WNK3: variants seen among roughly 807,000 people sequenced by gnomAD.
WNK3 encodes serine/threonine-protein kinase WNK3.
Under a neutral mutation model 116.7 loss-of-function variants are expected in WNK3, and 18 were observed. That is an observed-to-expected ratio of 0.15 (90% confidence interval 0.11 to 0.23). The LOEUF is 0.23. WNK3 is among the 10% of genes least tolerant of loss of function. The pLI is 1.00. For missense variants in WNK3, 993 were observed against 1,323.8 expected, an observed-to-expected ratio of 0.75 and a Z score of 3.88; for synonymous variants, 404 against 469.4, an observed-to-expected ratio of 0.86 and a Z score of 1.80.
intron 10 of WNK3, among the ~76,000 whole-genome samples, chrX:54,260,042 T>A (rs1278922691): frequency 9.0e-6 from 1 of 111,624 alleles, no homozygotes; most frequent in Non-Finnish European, 1.9e-5. Flanking sequence ...GCAAATAATG[T>A]TCTCAATGAA....
At chrX:54,268,834 G>A (rs928153193) in intron 10 of WNK3, among the ~76,000 whole-genome samples, 25 of 111,372 alleles carry the variant, frequency 2.2e-4, no homozygotes, top group Non-Finnish European at 4.7e-4. Context: ...AACTAATAAA[G>A]AGGAATGATG....
At chrX:54,278,248 A>G (rs933088166) in intron 10 of WNK3, among the ~76,000 whole-genome samples, 1 of 111,081 alleles carries the variant, frequency 9.0e-6, no homozygotes, top group Non-Finnish European at 1.9e-5. Context: ...ATAAATGAAG[A>G]GACATATCAT....
intron 1 of WNK3, among the ~76,000 whole-genome samples, chrX:54,344,658 C>T (rs2069383253): frequency 9.0e-6 from 1 of 111,249 alleles, no homozygotes; most frequent in East Asian, 2.9e-4. Context: ...TATTTGAGGC[C>T]GGGCGCCTGG....
rs1557153523 is a variant in WNK3 at position 54,249,335 on chromosome X, A to G, written c.3013T>C (p.Tyr1005His). 1 of 1,210,727 alleles carries G rather than the reference A, an allele frequency of 8.3e-7. No individual in the cohort carries two copies. Among genetic ancestry groups the G allele is most frequent in the Non-Finnish European group, 1.1e-6 (1 of 895,492 alleles). ...TGACTGGCAGTTTGGTGACATGGAT[A>G]CACAGGTATGAATATGCTTGCTTGT... The change falls in exon 17 of 24, where the codon TAT (tyrosine) becomes CAT (histidine). Residue 1005 changes from tyrosine to histidine, a missense_variant. This residue lies in a region of WNK3 where 836 missense variants were observed against 976.5 expected (regional missense o/e 0.86). Transcript: ENST00000354646.
At chrX:54,290,081 GC>G (rs1308763425) in intron 10 of WNK3, among the ~76,000 whole-genome samples, 3 of 111,460 alleles carry the variant, frequency 2.7e-5, no homozygotes, top group African/African-American at 9.8e-5. Flanking sequence ...TTCAAGACCA[GC>G]CTGGCCAACA....
chrX:54,214,444 GA>G (rs1557144536), intron 22 of WNK3, among the ~76,000 whole-genome samples: 3 of 111,763 alleles, frequency 2.7e-5, no homozygotes, highest in African/African-American at 9.7e-5. Context: ...TAAAAATGCA[GA>G]ATAAGGGCCT....
rs186230077 is a variant in WNK3, at chrX:54,269,821, C to T, written c.2038-10483G>A. Among the ~76,000 whole-genome samples the T allele has an allele frequency of 1.3e-3, 148 of 109,761 alleles. 1 individual carries two copies. Among genetic ancestry groups the T allele is most frequent in the African/African-American group, 4.8e-3 (145 of 30,296 alleles). ...TGGAAGTGTTCTATATCTTCATTTG[C>T]ATTTCATGAAGATATATATATATGA... On this transcript the variant is annotated intron_variant, in intron 10 of 23. Coordinates refer to ENST00000354646, the Ensembl canonical transcript of WNK3.
chrX:54,264,575 C>T (rs1369623711), intron 10 of WNK3, among the ~76,000 whole-genome samples: 3 of 110,800 alleles, frequency 2.7e-5, no homozygotes, highest in East Asian at 2.8e-4. Flanking sequence ...ATGATGAAAA[C>T]ATACCAGCAC....
At chrX:54,327,308 G>T (rs1359885882) in intron 2 of WNK3, among the ~76,000 whole-genome samples, 1 of 111,410 alleles carries the variant, frequency 9.0e-6, no homozygotes, top group African/African-American at 3.3e-5. Context: ...ATTAGGCTGG[G>T]CATGGTGGCT....
intron 23 of WNK3, among the ~76,000 whole-genome samples, chrX:54,200,914 T>C (rs890288670): frequency 1.8e-5 from 2 of 112,151 alleles, no homozygotes; most frequent in Admixed American, 1.9e-4. Flanking sequence ...CCCAAGGAGA[T>C]ATACTGCTCA....
intron 6 of WNK3, among the ~76,000 whole-genome samples, chrX:54,299,582 G>A (rs1287844454): frequency 9.5e-5 from 10 of 104,997 alleles, no homozygotes; most frequent in Non-Finnish European, 1.7e-4. Flanking sequence ...GTGCCACCAC[G>A]CTCAGCTAAT....
chrX:54,263,555 A>C (rs187301160), intron 10 of WNK3, among the ~76,000 whole-genome samples: 17 of 112,356 alleles, frequency 1.5e-4, no homozygotes, highest in Non-Finnish European at 3.2e-4. Context: ...AGTAGGTTGC[A>C]AATGCAAGAT....
chrX:54,325,444 C>T (rs782475825), intron 2 of WNK3, among the ~76,000 whole-genome samples: 89 of 109,734 alleles, frequency 8.1e-4, no homozygotes, highest in Non-Finnish European at 1.1e-3. Context: ...TTTGGAAGGC[C>T]GAGACGGGTG....
At position 54,259,301 on chromosome X, in the gene WNK3, G is replaced by A. The variant is rs200859828; in HGVS notation, c.2075C>T (p.Ala692Val). 728 of 1,197,374 alleles carry A rather than the reference G, an allele frequency of 6.1e-4. 5 individuals carry two copies. The highest frequency in any genetic ancestry group is 1.1e-4 in the Non-Finnish European group (101 of 887,556). ...TCGAACTAAATCTGGTTTTAGAAGA[G>A]CTGCTTGTTGTTCAGCTCCAACTGG... Residue 692 changes from alanine to valine, a missense_variant, in exon 11 of 24, where the codon GCT becomes GTT. This residue lies in a region of WNK3 where 836 missense variants were observed against 976.5 expected (regional missense o/e 0.86). Coordinates refer to ENST00000354646, the Ensembl canonical transcript of WNK3.
chrX:54,240,788 A>C (rs1557151383), intron 17 of WNK3, among the ~76,000 whole-genome samples: 2 of 111,401 alleles, frequency 1.8e-5, no homozygotes, highest in Non-Finnish European at 3.8e-5. Flanking sequence ...TTTCAATGTT[A>C]TCTCTTAATG....
At chrX:54,200,210 T>C (rs2067488307) in intron 23 of WNK3, among the ~76,000 whole-genome samples, 1 of 112,194 alleles carries the variant, frequency 8.9e-6, no homozygotes, top group Non-Finnish European at 1.9e-5. Flanking sequence ...TATATTCGTA[T>C]ATGCAATTCT....
rs1404648927 is a variant in WNK3 at position 54,342,223 on chromosome X, T to C, written c.-119-8431A>G. Among the ~76,000 whole-genome samples, 5 of 111,306 alleles carry C rather than the reference T, an allele frequency of 4.5e-5. No individual in the cohort carries two copies. The South Asian group carries it at 1.5e-3, about 34-fold the overall frequency. On this transcript the variant is annotated intron_variant, in intron 1 of 23. Transcript: ENST00000354646. ...GCTAGAGTGAGCCATGATTGCAACA[T>C]TGCACTCCAGCCTGGGTGACAGAGA...
intron 2 of WNK3, among the ~76,000 whole-genome samples, chrX:54,328,126 T>TTA (rs1304457176): frequency 3.3e-4 from 36 of 109,591 alleles, no homozygotes; most frequent in Non-Finnish European, 5.3e-4. Flanking sequence ...GACATATCAA[T>TTA]TATATATATA....
intron 22 of WNK3, among the ~76,000 whole-genome samples, chrX:54,219,348 A>T (rs1184527705): frequency 9.0e-6 from 1 of 111,099 alleles, no homozygotes; most frequent in African/African-American, 3.3e-5. Context: ...TGAAAGAGTA[A>T]GACTATCAAA....
Sources: allele counts gnomAD v4.1 joint callset (sites outside exome capture counted in the v4.1 genomes callset), GRCh38; gene constraint gnomAD v4.1.1; regional missense constraint gnomAD v4.1.1; transcripts MANE v1.5; gene names NCBI Gene and HGNC (gene_info 2026-07-23, HGNC 2026-07-21).